SOX5: variants seen among roughly 807,000 people sequenced by gnomAD.
The protein encoded by SOX5 is SRY-box transcription factor 5.
In SOX5, 9 loss-of-function variants were observed where a neutral mutation model predicts 92.0. The observed-to-expected ratio is 0.10, with a 90% confidence interval of 0.06 to 0.17. SOX5 has a LOEUF of 0.17. SOX5 is among the 10% of genes least tolerant of loss of function. The probability of loss-of-function intolerance (pLI) is 1.00; values close to 1 mark genes in which losing one functional copy is unlikely to be tolerated. For synonymous variants in SOX5, 344 were observed against 336.3 expected (o/e 1.02, Z -0.25); for missense variants, 642 against 944.5 (o/e 0.68, Z 4.20).
At chr12:23,847,223 A>G (rs2096585106) in intron 2 of SOX5, among the ~76,000 whole-genome samples, 1 of 152,066 alleles carries the variant, frequency 6.6e-6, no homozygotes. Context: ...CATCTTAAAC[A>G]TAAAGCTGTA....
At chr12:24,134,845 C>T (rs570178261) in intron 4 of SOX5, among the ~76,000 whole-genome samples, 7 of 152,210 alleles carry the variant, frequency 4.6e-5, no homozygotes, top group East Asian at 1.9e-4. Flanking sequence ...TTCTCCCAAC[C>T]GTTCATAATG....
chr12:24,306,801 T>C (rs1279219606), intron 2 of SOX5, among the ~76,000 whole-genome samples: 1 of 152,054 alleles, frequency 6.6e-6, no homozygotes, highest in Admixed American at 6.6e-5. Flanking sequence ...CCCCTAAATG[T>C]GAACAAATGT....
chr12:24,466,031 G>A (rs551204512), intron 1 of SOX5, among the ~76,000 whole-genome samples: 1 of 152,162 alleles, frequency 6.6e-6, no homozygotes, highest in East Asian at 1.9e-4. Flanking sequence ...TGCAGGAAAG[G>A]GTTTTTTAAG....
chr12:24,030,571 G>A (rs571206972), intron 4 of SOX5, among the ~76,000 whole-genome samples: 4 of 151,992 alleles, frequency 2.6e-5, no homozygotes, highest in African/African-American at 9.6e-5. Context: ...TTAAATGTAA[G>A]ATGCAAAACT....
intron 6 of SOX5, among the ~76,000 whole-genome samples, chr12:23,701,518 A>G (rs1567075947): frequency 6.6e-6 from 1 of 152,100 alleles, no homozygotes; most frequent in Non-Finnish European, 1.5e-5. Flanking sequence ...CTTTATAAAC[A>G]TATCATTAAG....
intron 2 of SOX5, among the ~76,000 whole-genome samples, chr12:24,356,722 T>C (rs1462018815): frequency 6.6e-6 from 1 of 152,180 alleles, no homozygotes; most frequent in Non-Finnish European, 1.5e-5. Flanking sequence ...AAATCTTTCC[T>C]TAATACTGAA....
At chr12:24,478,707 T>C (rs1945651190) in intron 1 of SOX5, among the ~76,000 whole-genome samples, 1 of 152,240 alleles carries the variant, frequency 6.6e-6, no homozygotes, top group Non-Finnish European at 1.5e-5. Context: ...CCACATCCTG[T>C]TGCACTCTTG....
chr12:24,323,307 A>ATG (rs1047203421), intron 2 of SOX5, among the ~76,000 whole-genome samples: 4 of 150,630 alleles, frequency 2.7e-5, no homozygotes, highest in Non-Finnish European at 5.9e-5. Flanking sequence ...TTATATATAT[A>ATG]TGTATATATA....
intron 3 of SOX5, among the ~76,000 whole-genome samples, chr12:23,819,338 G>A (rs1000846004): frequency 3.9e-5 from 6 of 152,128 alleles, no homozygotes; most frequent in Non-Finnish European, 7.4e-5. Flanking sequence ...GCACTTGACT[G>A]TACTTTCTTT....
At position 23,811,271 on chromosome 12, in the gene SOX5, T is replaced by C. The variant is rs373484060; in HGVS notation, c.481+34712A>G. Among the ~76,000 whole-genome samples the C allele has an allele frequency of 7.9e-5, 12 of 152,286 alleles. No individual in the cohort carries two copies. The East Asian group carries it at 1.3e-3, about 17-fold the overall frequency. ...TTTGGCCTAATATTAAGAATCCTAATATTCACAGATTGAAAACCATACCAT... is the reference window on the plus strand; with the variant it reads ...TTTGGCCTAATATTAAGAATCCTAACATTCACAGATTGAAAACCATACCAT... On this transcript the variant is annotated intron_variant, in intron 3 of 14. Transcript: ENST00000451604.
intron 6 of SOX5, among the ~76,000 whole-genome samples, chr12:23,714,791 A>C (rs1267844267): frequency 6.6e-6 from 1 of 152,236 alleles, no homozygotes; most frequent in Non-Finnish European, 1.5e-5. Context: ...TTGCTTTTCA[A>C]ATGAATAAAT....
chr12:23,687,213 T>C (rs2087758761), intron 6 of SOX5, among the ~76,000 whole-genome samples: 1 of 151,988 alleles, frequency 6.6e-6, no homozygotes, highest in South Asian at 2.1e-4. Context: ...GGAGCAAAAC[T>C]TGTATTTTCA....
intron 1 of SOX5, among the ~76,000 whole-genome samples, chr12:23,911,959 T>C (rs911408147): frequency 3.3e-5 from 5 of 152,044 alleles, no homozygotes; most frequent in African/African-American, 1.2e-4. Context: ...TTGGACTTCA[T>C]TAAAATTAAA....
intron 1 of SOX5, among the ~76,000 whole-genome samples, chr12:23,943,738 G>T (rs1056264128): frequency 1.3e-5 from 2 of 152,036 alleles, no homozygotes; most frequent in Non-Finnish European, 2.9e-5. Context: ...CCGAGTTCAG[G>T]TTTGAATTGA....
At chr12:23,729,017 C>T (rs2093282558) in intron 6 of SOX5, among the ~76,000 whole-genome samples, 1 of 151,890 alleles carries the variant, frequency 6.6e-6, no homozygotes, top group Non-Finnish European at 1.5e-5. Context: ...GTGACTACTG[C>T]CATGTAAAGT....
chr12:23,803,406 C>T (rs1389519713), intron 3 of SOX5, among the ~76,000 whole-genome samples: 1 of 152,120 alleles, frequency 6.6e-6, no homozygotes, highest in Non-Finnish European at 1.5e-5. Context: ...TCTTCACATA[C>T]CATCTGTCAC....
chr12:24,357,840 C>CTT (rs1955049960), intron 2 of SOX5, among the ~76,000 whole-genome samples: 1 of 105,304 alleles, frequency 9.5e-6, no homozygotes, highest in Non-Finnish European at 1.9e-5. Context: ...GACTCCATCT[C>CTT]AAAAAAAAAA....
intron 13 of SOX5, among the ~76,000 whole-genome samples, chr12:23,537,400 T>G (rs2135909649): frequency 6.6e-6 from 1 of 152,248 alleles, no homozygotes; most frequent in East Asian, 1.9e-4. Context: ...ATTACTGAAG[T>G]ACAGATCTGT....
intron 4 of SOX5, among the ~76,000 whole-genome samples, chr12:24,171,236 T>TTTTTGTTTTG (rs1954106823): frequency 1.5e-5 from 2 of 130,220 alleles, no homozygotes; most frequent in Admixed American, 7.7e-5. Flanking sequence ...TTTGTTTTTT[T>TTTTTGTTTTG]TTTTGGAGAC....
Sources: gnomAD v4.1 joint callset for allele counts (sites outside exome capture counted in the v4.1 genomes callset) on GRCh38, gnomAD v4.1.1 for gene constraint, MANE v1.5 for transcripts, NCBI Gene and HGNC (gene_info 2026-07-23, HGNC 2026-07-21) for gene names.